The following DCAF8L2 variants were observed in gnomAD, a reference collection of about 807,000 sequenced individuals.
The protein encoded by DCAF8L2 is DDB1 and CUL4 associated factor 8 like 2.
For missense variants in DCAF8L2, 430 were observed against 490.7 expected, an observed-to-expected ratio of 0.88 and a Z score of 1.17; for synonymous variants, 200 against 190.9, an observed-to-expected ratio of 1.05 and a Z score of -0.39.
the DCAF8L2 span, among the ~76,000 whole-genome samples, chrX:27,548,070 A>G: frequency 9.1e-6 from 1 of 110,466 alleles, no homozygotes; most frequent in Non-Finnish European, 1.9e-5. Context: ...GTATGTCTTT[A>G]TAGCAGTGTG....
chrX:27,521,490 C>T, the DCAF8L2 span, among the ~76,000 whole-genome samples: 4 of 112,179 alleles, frequency 3.6e-5, no homozygotes, highest in Non-Finnish European at 1.9e-5. Flanking sequence ...AGCATTTCAA[C>T]AGAAGGTAAA....
the DCAF8L2 span, among the ~76,000 whole-genome samples, chrX:27,541,332 T>C: frequency 1.0e-5 from 1 of 99,567 alleles, no homozygotes; most frequent in Non-Finnish European, 2.0e-5. Flanking sequence ...AATAAATTTT[T>C]TTATTTTTTA....
At chrX:27,605,814 G>C (rs1295495497) in intron 1 of DCAF8L2, among the ~76,000 whole-genome samples, 1 of 111,656 alleles carries the variant, frequency 9.0e-6, no homozygotes, top group African/African-American at 3.3e-5. Context: ...AGTGCTCTGA[G>C]AAAAACAAGT....
At chrX:27,635,831 G>GTGTGT in intron 2 of DCAF8L2, among the ~76,000 whole-genome samples, 3 of 102,731 alleles carry the variant, frequency 2.9e-5, no homozygotes, top group African/African-American at 7.2e-5. Flanking sequence ...GTGTGTGTGT[G>GTGTGT]ATGGAGTTTT....
At chrX:27,639,087 T>C (rs1928606436) in intron 2 of DCAF8L2, among the ~76,000 whole-genome samples, 1 of 112,347 alleles carries the variant, frequency 8.9e-6, no homozygotes, top group African/African-American at 3.2e-5. Flanking sequence ...ATTACATATG[T>C]ACAATGGGGT....
the DCAF8L2 span, among the ~76,000 whole-genome samples, chrX:27,523,865 G>A: frequency 1.4e-4 from 15 of 110,843 alleles, no homozygotes; most frequent in Admixed American, 1.4e-3. Flanking sequence ...AGAACATGCG[G>A]TGTTTGGTTA....
intron 3 of DCAF8L2, among the ~76,000 whole-genome samples, chrX:27,707,627 T>G (rs5971442): frequency 0.29 from 31,707 of 110,743 alleles, 3,941 homozygotes; most frequent in Middle Eastern, 0.4. Context: ...CGGTAATATC[T>G]AGGGAAAGGA....
intron 1 of DCAF8L2, among the ~76,000 whole-genome samples, chrX:27,598,150 T>C (rs1043543516): frequency 8.9e-6 from 1 of 112,412 alleles, no homozygotes; most frequent in Admixed American, 9.4e-5. Context: ...ATTTGAAGGA[T>C]GTAGGAATTA....
At chrX:27,628,032 A>T (rs963920699) in intron 1 of DCAF8L2, among the ~76,000 whole-genome samples, 1 of 111,504 alleles carries the variant, frequency 9.0e-6, no homozygotes, top group Non-Finnish European at 1.9e-5. Flanking sequence ...TGTACAGCAG[A>T]TCTCTAGAAC....
At chrX:27,519,224 G>A in the DCAF8L2 span, 17 of 1,026,175 alleles carry the variant, frequency 1.7e-5, no homozygotes, top group East Asian at 1.8e-4. Context: ...ATTGAAGAAC[G>A]GACAATTAAA....
chrX:27,644,149 T>C (rs1444474056), intron 2 of DCAF8L2, among the ~76,000 whole-genome samples: 1 of 112,248 alleles, frequency 8.9e-6, no homozygotes, highest in African/African-American at 3.2e-5. Context: ...GATTTCCTTT[T>C]CTTCTGAGAA....
the DCAF8L2 span, chrX:27,518,522 G>A: frequency 4.1e-5 from 15 of 362,236 alleles, no homozygotes; most frequent in Admixed American, 8.6e-5. Flanking sequence ...GGCGGATCAC[G>A]AGGTCAGGAG....
chrX:27,586,894 A>G (rs759755758), upstream of DCAF8L2, among the ~76,000 whole-genome samples: 36 of 111,354 alleles, frequency 3.2e-4, no homozygotes, highest in Middle Eastern at 0.023. Flanking sequence ...TTTCCTGGAC[A>G]TGACATTCAA....
chrX:27,628,605 C>CTT (rs35579870), intron 1 of DCAF8L2, among the ~76,000 whole-genome samples: 289 of 90,617 alleles, frequency 3.2e-3, no homozygotes, highest in Non-Finnish European at 4.2e-3. Flanking sequence ...TGGCTCTTGT[C>CTT]TTTTTTTTTT....
upstream of DCAF8L2, among the ~76,000 whole-genome samples, chrX:27,587,973 A>G (rs915661023): frequency 5.1e-5 from 1 of 19,541 alleles, no homozygotes; most frequent in East Asian, 6.5e-3. Flanking sequence ...CAGTACTTCC[A>G]TTAAAAAAAA....
At chrX:27,723,318 C>T (rs984168133) in intron 4 of DCAF8L2, among the ~76,000 whole-genome samples, 5 of 110,162 alleles carry the variant, frequency 4.5e-5, no homozygotes, top group Admixed American at 9.8e-5. Flanking sequence ...AATATCTTTA[C>T]GATTTGTACC....
intron 4 of DCAF8L2, among the ~76,000 whole-genome samples, chrX:27,741,928 G>T (rs1218582197): frequency 4.5e-5 from 5 of 111,933 alleles, no homozygotes. Flanking sequence ...GCACACTCAG[G>T]TCTAGAAACT....
chrX:27,594,055 C>G (rs1304923941), intron 1 of DCAF8L2, among the ~76,000 whole-genome samples: 2 of 111,565 alleles, frequency 1.8e-5, no homozygotes, highest in Admixed American at 9.5e-5. Context: ...ATAGATTTGT[C>G]AAAGGTCAGA....
chrX:27,734,750 C>A (rs1921423198), intron 4 of DCAF8L2, among the ~76,000 whole-genome samples: 1 of 111,383 alleles, frequency 9.0e-6, no homozygotes, highest in South Asian at 3.7e-4. Flanking sequence ...CATGAGTATC[C>A]TTATACAGTC....
Sources: gnomAD v4.1 joint callset for allele counts (sites outside exome capture counted in the v4.1 genomes callset) on GRCh38, gnomAD v4.1.1 for gene constraint, MANE v1.5 for transcripts, NCBI Gene and HGNC (gene_info 2026-07-23, HGNC 2026-07-21) for gene names.